The following SPAG9 variants were observed in gnomAD, a reference collection of about 807,000 sequenced individuals.
SPAG9 encodes the protein sperm associated antigen 9, also known as C-Jun-amino-terminal kinase-interacting protein 4.
Under a neutral mutation model 166.5 loss-of-function variants are expected in SPAG9, and 35 were observed. That is an observed-to-expected ratio of 0.21 (90% CI 0.16 to 0.28). The LOEUF (loss-of-function observed/expected upper bound fraction) is 0.28. SPAG9 is among the 10% of genes least tolerant of loss of function. SPAG9 has a pLI of 1.00. For missense variants in SPAG9, 1,235 were observed against 1,603.3 expected (o/e 0.77, Z 3.92); for synonymous variants, 534 against 565.5 (o/e 0.94, Z 0.79).
chr17:51,006,257 A>G lies in SPAG9; in HGVS notation c.1272-20T>C, dbSNP rs905511161. ...GCATTTCTAAGAAACACATATTTCA[A>G]GTGCATCATTACAAATAAATATTCT... On this transcript the variant is annotated intron_variant, in intron 10 of 29. Transcript: ENST00000262013. 20 of 1,609,500 alleles carry G rather than the reference A, an allele frequency of 1.2e-5. No homozygotes were observed. Among genetic ancestry groups the G allele is most frequent in the Non-Finnish European group, 1.6e-5 (19 of 1,176,612 alleles).
rs1973288435 is a variant in SPAG9 at position 50,964,933 on chromosome 17, T to C, written c.*1339A>G. On this transcript the variant is annotated 3_prime_UTR_variant, in exon 30 of 30. Coordinates refer to ENST00000262013, the MANE Select transcript of SPAG9 (RefSeq NM_001130528.3). ...ACACCCGGTTAATTTATTTTGTTTT[T>C]TTTTTTTGGTAGAGACAGGGTTTCG... The C allele has an allele frequency of 5.2e-6, 1 of 191,010 alleles. No individual in the cohort carries two copies. The highest frequency in any genetic ancestry group is 6.1e-5 in the Admixed American group (1 of 16,306). The allele number at this position is 191,010 out of a possible 1,614,324, so 11.8% of individuals were successfully genotyped here.
At chr17:50,992,556 A>G (rs1401773533) in intron 19 of SPAG9, among the ~76,000 whole-genome samples, 1 of 152,182 alleles carries the variant, frequency 6.6e-6, no homozygotes, top group Non-Finnish European at 1.5e-5. Flanking sequence ...CTGTGGTCCC[A>G]GCTACTTGGG....
At chr17:50,976,929 G>T in intron 27 of SPAG9, 179 bp downstream of exon 27, 1 of 526,268 alleles carries the variant, frequency 1.9e-6, no homozygotes, top group Non-Finnish European at 3.4e-6. Flanking sequence ...TATGAGTATT[G>T]GTCTTGATAC....
rs776593105 is a variant in SPAG9 at position 50,974,936 on chromosome 17, A to G, written c.3535T>C (p.Ser1179Pro). Residue 1179 changes from serine (S) to proline (P), a missense_variant, in exon 28 of 30, where the codon TCA becomes CCA. Transcript: ENST00000262013. Reference protein sequence around the residue: ...SIPLTETNKTSGVPGNRPGSV... With the variant: ...SIPLTETNKTPGVPGNRPGSV... The stretch of plus-strand genomic sequence containing the variant: ...CCAGGACGATTTCCTGGTACACCTG[A>G]GGTTTTATTTGCTGCAACAGAAAAA... The G allele has an allele frequency of 6.2e-7, 1 of 1,609,686 alleles. No individual in the cohort carries two copies. Among genetic ancestry groups the G allele is most frequent in the Non-Finnish European group, 8.5e-7 (1 of 1,179,024 alleles).
chr17:51,044,742 T>G (rs187347034), intron 4 of SPAG9, among the ~76,000 whole-genome samples: 236 of 152,312 alleles, frequency 1.5e-3, no homozygotes, highest in African/African-American at 5.5e-3. Flanking sequence ...CACTAGTAAT[T>G]GGCAGAGTTT....
At chr17:51,050,669 A>T (rs1291199513) in intron 3 of SPAG9, among the ~76,000 whole-genome samples, 1 of 152,154 alleles carries the variant, frequency 6.6e-6, no homozygotes, top group African/African-American at 2.4e-5. Flanking sequence ...AAAAGAACAA[A>T]AATTATACAT....
intron 1 of SPAG9, among the ~76,000 whole-genome samples, chr17:51,088,855 G>A (rs986231161): frequency 1.3e-5 from 2 of 151,866 alleles, no homozygotes; most frequent in Non-Finnish European, 2.9e-5. Context: ...AGCACTTTGG[G>A]AGGCCGAGGC....
chr17:51,041,164 T>C (rs1332824509), intron 5 of SPAG9, among the ~76,000 whole-genome samples: 1 of 152,186 alleles, frequency 6.6e-6, no homozygotes, highest in Non-Finnish European at 1.5e-5. Flanking sequence ...AACCAAGACT[T>C]TCTGGTAATA....
intron 5 of SPAG9, among the ~76,000 whole-genome samples, chr17:51,032,803 G>A (rs916138158): frequency 2.6e-5 from 4 of 151,946 alleles, no homozygotes; most frequent in Middle Eastern, 3.2e-3. Context: ...GCGTTGTGGC[G>A]GGCTCCTGTA....
intron 5 of SPAG9, among the ~76,000 whole-genome samples, chr17:51,037,685 A>ATATATATATATATATATATATATATATT: frequency 2.4e-5 from 2 of 83,486 alleles, no homozygotes; most frequent in African/African-American, 7.8e-5. Context: ...ATATATATAT[A>ATATATATATATATATATATATATATATT]GTGTGTGTGT....
chr17:51,028,687 G>A (rs1180654387), intron 6 of SPAG9, among the ~76,000 whole-genome samples: 2 of 152,170 alleles, frequency 1.3e-5, no homozygotes, highest in Non-Finnish European at 2.9e-5. Context: ...TATCTCTGTT[G>A]TTAAGCGACA....
rs978875899 is a variant in SPAG9 at position 50,990,662 on chromosome 17, C to T, written c.2405G>A (p.Arg802Gln). ...VLCIASVPGARETDYPAGEDL... is the reference protein window; with the variant it reads ...VLCIASVPGAQETDYPAGEDL... ...TTCTCCTGCAGGGTAGTCTGTTTCTCGTGCACCTGAAAAATAAATCTTCTT... is the reference window on the plus strand; with the variant it reads ...TTCTCCTGCAGGGTAGTCTGTTTCTTGTGCACCTGAAAAATAAATCTTCTT... Residue 802 changes from arginine (R) to glutamine (Q), a missense_variant, in exon 20 of 30, where the codon CGA becomes CAA. By Grantham distance (43) the Arg-to-Gln change is conservative. Coordinates refer to ENST00000262013, the MANE Select transcript of SPAG9 (RefSeq NM_001130528.3). 36 of 1,613,404 alleles carry T rather than the reference C, an allele frequency of 2.2e-5. No homozygotes were observed. The highest frequency in any genetic ancestry group is 3.0e-5 in the Non-Finnish European group (35 of 1,179,516).
At chr17:50,975,988 C>G in intron 27 of SPAG9, 2 of 1,027,634 alleles carry the variant, frequency 1.9e-6, no homozygotes, top group Non-Finnish European at 2.9e-6. Context: ...TCAGCGTCTT[C>G]TATCTGGTAA....
At chr17:51,004,001 A>C (rs2045082315) in intron 12 of SPAG9, among the ~76,000 whole-genome samples, 1 of 152,240 alleles carries the variant, frequency 6.6e-6, no homozygotes, top group African/African-American at 2.4e-5. Context: ...GGATATCATA[A>C]AGTAGTGAAT....
At chr17:51,050,386 A>G (rs969582599) in intron 3 of SPAG9, among the ~76,000 whole-genome samples, 3 of 152,330 alleles carry the variant, frequency 2.0e-5, no homozygotes, top group African/African-American at 7.2e-5. Flanking sequence ...TCACCATATC[A>G]TGATTTCATA....
chr17:50,979,403 A>G, intron 26 of SPAG9, among the ~76,000 whole-genome samples: 1 of 151,356 alleles, frequency 6.6e-6, no homozygotes, highest in Non-Finnish European at 1.5e-5. Flanking sequence ...AAAAAAGAGT[A>G]AGGTAGATTG....
At chr17:50,999,866 C>T (rs1168386113) in intron 13 of SPAG9, 149 bp from the exon 14 acceptor site, 4 of 620,130 alleles carry the variant, frequency 6.5e-6, no homozygotes, top group Non-Finnish European at 1.1e-5. Context: ...TTTGACCTAC[C>T]ATGTGTCAGT....
intron 1 of SPAG9, among the ~76,000 whole-genome samples, chr17:51,106,328 A>T (rs7214230): frequency 0.052 from 7,910 of 152,198 alleles, 688 homozygotes; most frequent in African/African-American, 0.18. Flanking sequence ...AATAAAATTT[A>T]AAAAAATTTT....
At chr17:51,088,741 T>C (rs1466038487) in intron 1 of SPAG9, among the ~76,000 whole-genome samples, 1 of 151,358 alleles carries the variant, frequency 6.6e-6, no homozygotes, top group Non-Finnish European at 1.5e-5. Context: ...GAGCTTGCAG[T>C]GAGCCGAGAT....
Sources: gnomAD v4.1 joint callset for allele counts (sites outside exome capture counted in the v4.1 genomes callset) on GRCh38, gnomAD v4.1.1 for gene constraint, MANE v1.5 for transcripts, NCBI Gene and HGNC (gene_info 2026-07-23, HGNC 2026-07-21) for gene names.